The following NXNL1 variants were observed in gnomAD, a reference collection of about 807,000 sequenced individuals.
NXNL1 encodes the protein nucleoredoxin like 1.
NXNL1 carries 6 observed loss-of-function variants against 7.2 expected under a neutral mutation model. The ratio of observed to expected loss-of-function variants is 0.83; its 90% CI spans 0.46 to 1.64. The LOEUF is 1.64. Ranked by LOEUF, NXNL1 falls within the 40% of genes most tolerant of loss-of-function variation. The pLI is 0.01. For synonymous variants in NXNL1, 133 were observed against 127.2 expected (o/e 1.05, Z -0.31); for missense variants, 308 against 285.1 (o/e 1.08, Z -0.58).
Position 17,455,894 on chromosome 19 carries a change from T to C in NXNL1, c.392A>G (p.Asp131Gly). The C allele has an allele frequency of 1.3e-6, 2 of 1,593,978 alleles. No individual in the cohort carries two copies. Among genetic ancestry groups the C allele is most frequent in the Non-Finnish European group, 1.7e-6 (2 of 1,177,426 alleles). Residue 131 changes from aspartate to glycine, a missense_variant, in exon 2 of 2, where the codon GAC becomes GGC. Transcript: ENST00000301944. ...PAVVVLKPDG[D>G]VLTRDGADEI... ...GTCGGCGCCGTCGCGAGTGAGCACGTCCCCGTCCGGCTTGAGCACCACGAC... is the reference window on the plus strand; with the variant it reads ...GTCGGCGCCGTCGCGAGTGAGCACGCCCCCGTCCGGCTTGAGCACCACGAC...
chr19:17,456,614 G>T (rs2074994324), intron 1 of NXNL1, among the ~76,000 whole-genome samples: 2 of 152,062 alleles, frequency 1.3e-5, no homozygotes, highest in Non-Finnish European at 2.9e-5. Context: ...CGGCGTGGTG[G>T]CTCATGCCTG....
In NXNL1 at chr19:17,455,593, G is replaced by A; in HGVS notation, c.*54C>T. On this transcript the variant is annotated 3_prime_UTR_variant, in exon 2 of 2. Transcript: ENST00000301944. ...TGGGATTACAGGCGTGCGGGGGTGG[G>A]GTGGGGGTGGAGGTTCATCAACAAA... 2 of 1,088,722 alleles carry A rather than the reference G, an allele frequency of 1.8e-6. No homozygotes were observed. Among genetic ancestry groups the A allele is most frequent in the South Asian group, 1.5e-5 (1 of 67,036 alleles). The allele number at this position is 1,088,722 out of a possible 1,614,324, so 67.4% of individuals were successfully genotyped here. A position where few individuals can be genotyped will look rare whatever the true frequency, so the allele number is the denominator to read the frequency against.
chr19:17,455,794 C>G lies in NXNL1; in HGVS notation c.492G>C (p.Gln164His). The change falls in exon 2 of 2, where the codon CAG (glutamine) becomes CAC (histidine). Residue 164 changes from glutamine to histidine, a missense_variant. Transcript: ENST00000301944. ...CCTGGTCCTCCAGGTCCTCTGGCAG[C>G]TGGAAGTTGCGGTCCAGCACCTCGG... The part of the protein sequence containing the change: ...EAAEVLDRNF[Q>H]LPEDLEDQEP... 6 of 1,562,434 alleles carry G rather than the reference C, an allele frequency of 3.8e-6. No individual in the cohort carries two copies. The highest frequency in any genetic ancestry group is 5.2e-6 in the Non-Finnish European group (6 of 1,158,902).
intron 1 of NXNL1, among the ~76,000 whole-genome samples, chr19:17,458,058 T>G (rs1029480600): frequency 1.1e-4 from 17 of 152,278 alleles, no homozygotes; most frequent in Middle Eastern, 6.8e-3. Context: ...ACACGTATTT[T>G]TATTGTAGAC....
At position 17,455,649 on chromosome 19, in the gene NXNL1, A is replaced by T. The variant is rs1231352158; in HGVS notation, c.637T>A (p.Ter213ArgextTer12). 7.4e-7 allele frequency: 1 copy of T among 1,354,758 alleles called. No individual in the cohort carries two copies. Among genetic ancestry groups the T allele is most frequent in the African/African-American group, 1.4e-5 (1 of 71,090 alleles). 83.9% of individuals were successfully genotyped at this position (1,354,758 alleles called of 1,614,324 possible). A position where few individuals can be genotyped will look rare whatever the true frequency, so the allele number is the denominator to read the frequency against. ...GEEGGAGGLF[*>R] The stretch of plus-strand genomic sequence containing the variant: ...CTCCTCTCCTCCACCCTAGCGGGTC[A>T]GAACAGCCCCCCGGCCCCGCCCTCC... Residue 213 changes from the stop codon to arginine, a stop_lost, in exon 2 of 2, where the codon TGA becomes AGA. Coordinates refer to ENST00000301944, the MANE Select transcript of NXNL1 (RefSeq NM_138454.2).
In NXNL1 at chr19:17,455,722, C is replaced by G; in HGVS notation, c.564G>C (p.Val188=). Reference sequence around the variant, plus strand: ...CGCGCCCGCCTCGCGCCGCCTTTTCCACGCGGTACTTGTGGCGGCGCAGGC... The same window carrying G: ...CGCGCCCGCCTCGCGCCGCCTTTTCGACGCGGTACTTGTGGCGGCGCAGGC... ...TECLRRHKYR[V]EKAARGGRDP... is the part of the protein sequence containing the mutation. Residue 188 remains valine (V), a synonymous_variant, in exon 2 of 2, where the codon GTG becomes GTC. Coordinates refer to ENST00000301944, the MANE Select transcript of NXNL1 (RefSeq NM_138454.2). 1 of 1,313,146 alleles carries G rather than the reference C, an allele frequency of 7.6e-7. No homozygotes were observed. The highest frequency in any genetic ancestry group is 1.2e-5 in the South Asian group (1 of 81,446). 81.3% of individuals were successfully genotyped at this position (1,313,146 alleles called of 1,614,324 possible).
rs1213050603 is a variant in NXNL1 at position 17,455,762 on chromosome 19, C to T, written c.524G>A (p.Arg175Gln). 6.5e-7 allele frequency: 1 copy of T among 1,541,818 alleles called. No individual in the cohort carries two copies. The highest frequency in any genetic ancestry group is 2.4e-5 in the East Asian group (1 of 41,028). ...LPEDLEDQEP[R>Q]SLTECLRRHK... ...GCGGCGCAGGCACTCGGTGAGGCTC[C>T]GTGGCTCCTGGTCCTCCAGGTCCTC... The change falls in exon 2 of 2, where the codon CGG (arginine) becomes CAG (glutamine). Residue 175 changes from arginine to glutamine, a missense_variant. Arg to Gln is a conservative substitution (Grantham distance 43, BLOSUM62 1). Transcript: ENST00000301944.
chr19:17,460,862 G>T lies in NXNL1; in HGVS notation c.8C>A (p.Ser3Tyr). 1 of 1,613,148 alleles carries T rather than the reference G, an allele frequency of 6.2e-7. No individual in the cohort carries two copies. Among genetic ancestry groups the T allele is most frequent in the Non-Finnish European group, 8.5e-7 (1 of 1,180,012 alleles). The change falls in exon 1 of 2, where the codon TCC becomes TAC. Residue 3 changes from serine to tyrosine, a missense_variant. Ser to Tyr is a moderately radical substitution (Grantham distance 144). Transcript: ENST00000301944. ...GATCAGGATGCGGCCAGAGAACAGGGAGGCCATGGTAACCTGGGTTGGGTG... is the reference window on the plus strand; with the variant it reads ...GATCAGGATGCGGCCAGAGAACAGGTAGGCCATGGTAACCTGGGTTGGGTG... MA[S>Y]LFSGRILIRN...
At chr19:17,458,292 T>G (rs1345551625) in intron 1 of NXNL1, among the ~76,000 whole-genome samples, 1 of 144,974 alleles carries the variant, frequency 6.9e-6, no homozygotes, top group African/African-American at 2.6e-5. Flanking sequence ...CGATCTCGGG[T>G]CACTGCAAGC....
intron 1 of NXNL1, among the ~76,000 whole-genome samples, chr19:17,457,094 T>A (rs1289690688): frequency 7.0e-6 from 1 of 142,280 alleles, no homozygotes; most frequent in Non-Finnish European, 1.5e-5. Context: ...CTCCCTCTCT[T>A]AAAAAAAAAA....
rs1421765474 is a variant in NXNL1 at position 17,460,821 on chromosome 19, G to A, written c.49C>T (p.Gln17Ter). 2.5e-6 allele frequency: 4 copies of A among 1,613,698 alleles called. No homozygotes were observed. Residue 17 changes from glutamine (Q) to a stop codon, truncating the protein, a stop_gained, in exon 1 of 2, where the codon CAG becomes TAG. Transcript: ENST00000301944. LOFTEE classifies it high-confidence loss of function. ...TCAGCCTCCGTATCCAGCTCGTCCT[G>A]GTCGCTATTGTTGCGGATCAGGATG... ...GRILIRNNSD[Q>*]DELDTEAEVS...
At chr19:17,457,400 C>T (rs759539731) in intron 1 of NXNL1, among the ~76,000 whole-genome samples, 4 of 151,862 alleles carry the variant, frequency 2.6e-5, no homozygotes, top group Non-Finnish European at 5.9e-5. Flanking sequence ...GAGACAGAGC[C>T]TCCATCTGTC....
chr19:17,456,757 C>G (rs1407575178), intron 1 of NXNL1, among the ~76,000 whole-genome samples: 2 of 151,932 alleles, frequency 1.3e-5, no homozygotes, highest in Non-Finnish European at 2.9e-5. Context: ...TTCCAGGCTG[C>G]CACAAAGAGA....
intron 1 of NXNL1, among the ~76,000 whole-genome samples, chr19:17,456,293 A>G (rs1383969785): frequency 7.2e-6 from 1 of 138,802 alleles, no homozygotes; most frequent in East Asian, 2.0e-4. Context: ...ATTTGTAGTA[A>G]GACCCTGTCT....
intron 1 of NXNL1, among the ~76,000 whole-genome samples, chr19:17,456,333 A>AATAAATAAATAC (rs1278943295): frequency 6.6e-6 from 1 of 151,266 alleles, no homozygotes; most frequent in African/African-American, 2.4e-5. Context: ...TAAATAAATA[A>AATAAATAAATAC]ATAAATAAAG....
intron 1 of NXNL1, among the ~76,000 whole-genome samples, chr19:17,456,938 A>G (rs1003832595): frequency 2.6e-5 from 4 of 151,804 alleles, no homozygotes; most frequent in African/African-American, 7.3e-5. Flanking sequence ...AGTCCCAGCT[A>G]CTCGGAGAGG....
chr19:17,460,138 G>A (rs971890792), intron 1 of NXNL1, among the ~76,000 whole-genome samples: 11 of 152,108 alleles, frequency 7.2e-5, no homozygotes, highest in Non-Finnish European at 1.5e-4. Flanking sequence ...AGCCTCCCAA[G>A]CAGCTGGGAT....
At chr19:17,457,519 G>T (rs936840725) in intron 1 of NXNL1, among the ~76,000 whole-genome samples, 1 of 151,722 alleles carries the variant, frequency 6.6e-6, no homozygotes, top group Non-Finnish European at 1.5e-5. Flanking sequence ...CTACAGGCTC[G>T]TACCACCACA....
At chr19:17,459,069 C>T (rs1315902549) in intron 1 of NXNL1, among the ~76,000 whole-genome samples, 5 of 151,814 alleles carry the variant, frequency 3.3e-5, no homozygotes, top group African/African-American at 9.7e-5. Flanking sequence ...CTGGACATCT[C>T]CTTATAAAGC....
Sources: gnomAD v4.1 joint callset for allele counts (sites outside exome capture counted in the v4.1 genomes callset) on GRCh38, gnomAD v4.1.1 for gene constraint, MANE v1.5 for transcripts, NCBI Gene and HGNC (gene_info 2026-07-23, HGNC 2026-07-21) for gene names.